Variants in MYO9A observed in about 807,000 individuals in gnomAD.
MYO9A encodes the protein myosin IXA.
A neutral mutation model predicts 293.3 loss-of-function variants in MYO9A; 103 were observed. That is an observed-to-expected ratio of 0.35 (90% CI 0.30 to 0.41). The LOEUF is 0.41. Ranked by LOEUF, MYO9A falls within the 10% of genes least tolerant of loss-of-function variation. MYO9A has a pLI of 1.00. For synonymous variants in MYO9A, 1,001 were observed against 1,035.7 expected, an observed-to-expected ratio of 0.97 and a Z score of 0.64; for missense variants, 2,685 against 3,033.0, an observed-to-expected ratio of 0.89 and a Z score of 2.69.
At chr15:72,062,777 G>C (rs1246441898) in intron 1 of MYO9A, among the ~76,000 whole-genome samples, 1 of 152,174 alleles carries the variant, frequency 6.6e-6, no homozygotes, top group Non-Finnish European at 1.5e-5. Flanking sequence ...CCAGCAATTT[G>C]GGAGGCCAAG....
intron 1 of MYO9A, among the ~76,000 whole-genome samples, chr15:72,096,992 C>A (rs942036728): frequency 6.6e-6 from 1 of 152,174 alleles, no homozygotes; most frequent in African/African-American, 2.4e-5. Flanking sequence ...TTACTGATGA[C>A]CAAAGAAAGT....
At chr15:72,063,309 T>C (rs192554886) in intron 1 of MYO9A, among the ~76,000 whole-genome samples, 6 of 152,180 alleles carry the variant, frequency 3.9e-5, no homozygotes, top group East Asian at 3.9e-4. Flanking sequence ...AAAGAAAACA[T>C]TGGAGATCTC....
chr15:71,883,590 T>C lies in MYO9A; in HGVS notation c.5398+4A>G. 1 of 1,608,464 alleles carries C rather than the reference T, an allele frequency of 6.2e-7. No homozygotes were observed. The highest frequency in any genetic ancestry group is 2.2e-5 in the East Asian group (1 of 44,832). The stretch of plus-strand genomic sequence containing the variant: ...CACAAGTTCCACCCTTTGGTCACTT[T>C]TACCATCTGGAAACTGATGAGCTGG... On this transcript the variant is annotated splice_donor_region_variant and intron_variant, in intron 28 of 41. Transcript: ENST00000356056.
intron 39 of MYO9A, among the ~76,000 whole-genome samples, chr15:71,837,997 T>C (rs932990862): frequency 1.3e-5 from 2 of 152,130 alleles, no homozygotes; most frequent in Non-Finnish European, 2.9e-5. Flanking sequence ...TCACTGTATA[T>C]TCTCTTGTAG....
intron 15 of MYO9A, chr15:71,950,321 T>C (rs983981794): frequency 6.6e-6 from 1 of 152,240 alleles, no homozygotes; most frequent in Non-Finnish European, 1.5e-5. Context: ...ATGCAGCCTA[T>C]GCTGAAACTG....
intron 33 of MYO9A, among the ~76,000 whole-genome samples, chr15:71,861,421 C>T (rs1291315852): frequency 2.0e-5 from 3 of 148,942 alleles, no homozygotes; most frequent in Non-Finnish European, 4.4e-5. Context: ...TCTCTACTCA[C>T]GTTTTAGGAT....
chr15:71,935,788 G>A (rs1305519740), intron 16 of MYO9A, among the ~76,000 whole-genome samples: 3 of 151,884 alleles, frequency 2.0e-5, no homozygotes. Context: ...ATGGATTATA[G>A]TATCTTCCCT....
intron 18 of MYO9A, among the ~76,000 whole-genome samples, chr15:71,919,411 C>G (rs1484531473): frequency 6.6e-6 from 1 of 152,004 alleles, no homozygotes; most frequent in Non-Finnish European, 1.5e-5. Context: ...CCACTGCACT[C>G]CAGCCTGGGT....
intron 1 of MYO9A, among the ~76,000 whole-genome samples, chr15:72,063,697 C>G (rs754449552): frequency 6.6e-6 from 1 of 152,014 alleles, no homozygotes; most frequent in South Asian, 2.1e-4. Flanking sequence ...ACTTGTACAC[C>G]GTTGGTGAGA....
chr15:71,890,096 ACAGT>A (rs1420152421), intron 26 of MYO9A: 3 of 152,222 alleles, frequency 2.0e-5, no homozygotes, highest in East Asian at 3.8e-4. Flanking sequence ...TTACTAAGAC[ACAGT>A]CAAAGTGGGT....
At chr15:71,842,201 C>T (rs1337485586) in intron 39 of MYO9A, among the ~76,000 whole-genome samples, 2 of 150,950 alleles carry the variant, frequency 1.3e-5, no homozygotes, top group Non-Finnish European at 2.9e-5. Context: ...GGCAAAACCC[C>T]ATCTCTACTA....
At chr15:71,854,648 T>A in intron 34 of MYO9A, 79 bp from the exon 35 acceptor site, 1 of 1,162,600 alleles carries the variant, frequency 8.6e-7, no homozygotes, top group African/African-American at 1.6e-5. Context: ...TACCAGGAGC[T>A]ACTTTTTTAT....
Position 71,899,758 on chromosome 15 carries a change from T to C in MYO9A, c.3399A>G (p.Lys1133=), listed in dbSNP as rs1297731091. Residue 1133 remains lysine (K), a synonymous_variant, in exon 24 of 42, where the codon AAA becomes AAG. Transcript: ENST00000356056. ...TTTTTTTCCTTTGTTCTTGGTACCTTTTACTTTCCCTGTAGGCTTTCCATC... is the reference window on the plus strand; with the variant it reads ...TTTTTTTCCTTTGTTCTTGGTACCTCTTACTTTCCCTGTAGGCTTTCCATC... ...QARWKAYRES[K]RYQEQRKKII... is the part of the protein sequence containing the mutation. 1 of 1,614,082 alleles carries C rather than the reference T, an allele frequency of 6.2e-7. No individual in the cohort carries two copies. The highest frequency in any genetic ancestry group is 8.5e-7 in the Non-Finnish European group (1 of 1,180,044).
At chr15:72,049,415 T>G (rs892131490) in intron 1 of MYO9A, among the ~76,000 whole-genome samples, 1 of 152,222 alleles carries the variant, frequency 6.6e-6, no homozygotes, top group Non-Finnish European at 1.5e-5. Context: ...CCTAAGTGTT[T>G]GCTTCATATA....
At chr15:71,876,334 G>A (rs543198329) in intron 31 of MYO9A, among the ~76,000 whole-genome samples, 25 of 150,470 alleles carry the variant, frequency 1.7e-4, no homozygotes, top group East Asian at 7.8e-4. Flanking sequence ...TTTTGAGACC[G>A]GCTGGTCTCA....
At chr15:71,873,152 G>A (rs1016770862) in intron 32 of MYO9A, among the ~76,000 whole-genome samples, 1 of 151,348 alleles carries the variant, frequency 6.6e-6, no homozygotes, top group Non-Finnish European at 1.5e-5. Flanking sequence ...CCCGACCTCA[G>A]GTGATCCACA....
At chr15:71,884,542 C>T (rs186076813) in intron 27 of MYO9A, among the ~76,000 whole-genome samples, 4 of 152,216 alleles carry the variant, frequency 2.6e-5, no homozygotes, top group Non-Finnish European at 2.9e-5. Context: ...TATTAGGTAA[C>T]TTTCCCAAAG....
intron 11 of MYO9A, among the ~76,000 whole-genome samples, chr15:71,982,750 T>G (rs560873828): frequency 6.6e-6 from 1 of 152,354 alleles, no homozygotes; most frequent in East Asian, 1.9e-4. Context: ...GCATGGTATG[T>G]TAAAACATTC....
At chr15:72,103,480 AAGCAGCGCAGAAGCAGAAGCAGTGGC>A (rs2080456631) in intron 1 of MYO9A, among the ~76,000 whole-genome samples, 1 of 151,672 alleles carries the variant, frequency 6.6e-6, no homozygotes, top group South Asian at 2.1e-4. Flanking sequence ...GCAGAAGCAG[AAGCAGCGCAGAAGCAGAAGCAGTGGC>A]AGCAGAAGCA....
Sources: gnomAD v4.1 joint callset for allele counts (sites outside exome capture counted in the v4.1 genomes callset) on GRCh38, gnomAD v4.1.1 for gene constraint, MANE v1.5 for transcripts, NCBI Gene and HGNC (gene_info 2026-07-23, HGNC 2026-07-21) for gene names.